Variants in NTM observed in about 807,000 individuals in gnomAD.
The protein encoded by NTM is IgLON family member 2.
Under a neutral mutation model 42.1 loss-of-function variants are expected in NTM, and 13 were observed. The ratio of observed to expected loss-of-function variants is 0.31; its 90% CI spans 0.20 to 0.49. The LOEUF is 0.49. Among genes scored for constraint, NTM ranks in the 20% least tolerant of loss-of-function variants. The pLI is 0.99. For synonymous variants in NTM, 187 were observed against 179.2 expected (o/e 1.04, Z -0.35); for missense variants, 373 against 452.8 (o/e 0.82, Z 1.60).
intron 1 of NTM, among the ~76,000 whole-genome samples, chr11:131,604,630 A>G (rs1029674933): frequency 3.1e-5 from 4 of 128,640 alleles, no homozygotes; most frequent in Admixed American, 9.1e-5. Context: ...ACCCATATAT[A>G]TTCTTCTAAA....
intron 1 of NTM, among the ~76,000 whole-genome samples, chr11:131,467,499 T>G (rs1308582670): frequency 6.6e-6 from 1 of 152,204 alleles, no homozygotes; most frequent in Non-Finnish European, 1.5e-5. Flanking sequence ...AGTGGAGAGC[T>G]GGCCATGATG....
At chr11:132,236,382 A>C (rs764551425) in intron 4 of NTM, among the ~76,000 whole-genome samples, 4 of 152,196 alleles carry the variant, frequency 2.6e-5, no homozygotes, top group Non-Finnish European at 5.9e-5. Flanking sequence ...GGAAAACAGC[A>C]CTGGGGAAAG....
At chr11:132,309,153 A>T (rs2095198988) in intron 5 of NTM, among the ~76,000 whole-genome samples, 1 of 152,234 alleles carries the variant, frequency 6.6e-6, no homozygotes, top group African/African-American at 2.4e-5. Flanking sequence ...AACATCATGT[A>T]CAATATTTCT....
intron 4 of NTM, among the ~76,000 whole-genome samples, chr11:132,229,181 C>T (rs540934853): frequency 6.6e-6 from 1 of 152,196 alleles, no homozygotes; most frequent in Non-Finnish European, 1.5e-5. Flanking sequence ...GTTCCAGGCA[C>T]TCTTCTAAGT....
intron 7 of NTM, among the ~76,000 whole-genome samples, chr11:132,320,620 G>A (rs891459786): frequency 5.9e-5 from 9 of 152,204 alleles, no homozygotes. Flanking sequence ...CCATTGCCCA[G>A]GCTTGCTTAG....
At chr11:131,836,516 A>T (rs1297857150) in intron 1 of NTM, among the ~76,000 whole-genome samples, 1 of 152,210 alleles carries the variant, frequency 6.6e-6, no homozygotes, top group Non-Finnish European at 1.5e-5. Flanking sequence ...TTTCTAAATC[A>T]TATTAATCAA....
chr11:132,116,681 G>A (rs1382389952), intron 2 of NTM, among the ~76,000 whole-genome samples: 3 of 152,168 alleles, frequency 2.0e-5, no homozygotes, highest in African/African-American at 7.2e-5. Context: ...GCATGCATAG[G>A]TTTGGGAAAT....
intron 1 of NTM, among the ~76,000 whole-genome samples, chr11:131,567,199 A>G (rs2056979904): frequency 6.6e-6 from 1 of 152,076 alleles, no homozygotes; most frequent in African/African-American, 2.4e-5. Context: ...AAACCTAAAA[A>G]AACCCTAGAG....
At chr11:131,821,707 G>A (rs2093196404) in intron 1 of NTM, among the ~76,000 whole-genome samples, 1 of 152,214 alleles carries the variant, frequency 6.6e-6, no homozygotes, top group Non-Finnish European at 1.5e-5. Context: ...TATGTGGCGT[G>A]AGGTGGAGGA....
chr11:131,773,580 C>T (rs1257086293), intron 1 of NTM, among the ~76,000 whole-genome samples: 1 of 152,184 alleles, frequency 6.6e-6, no homozygotes, highest in Non-Finnish European at 1.5e-5. Flanking sequence ...GCATTAGTCT[C>T]ATATTGATGC....
intron 3 of NTM, among the ~76,000 whole-genome samples, chr11:132,149,366 A>G (rs1303568028): frequency 6.6e-6 from 1 of 152,172 alleles, no homozygotes; most frequent in African/African-American, 2.4e-5. Context: ...TTCTGGAATA[A>G]AAGTTGGGCA....
At chr11:132,244,319 G>A (rs902392686) in intron 4 of NTM, among the ~76,000 whole-genome samples, 2 of 152,200 alleles carry the variant, frequency 1.3e-5, no homozygotes, top group Non-Finnish European at 2.9e-5. Context: ...CTCTGCCTAT[G>A]GGTTTTTATT....
At chr11:131,472,992 G>A (rs765699468) in intron 1 of NTM, among the ~76,000 whole-genome samples, 9 of 152,130 alleles carry the variant, frequency 5.9e-5, no homozygotes, top group East Asian at 1.9e-4. Context: ...TTTTGGTCTC[G>A]TAAGAATATG....
rs142596485 is a variant in NTM at position 131,836,356 on chromosome 11, C to T, written c.83-75208C>T. 7.2e-5 allele frequency among the ~76,000 whole-genome samples: 11 copies of T among 152,174 alleles called. No individual in the cohort carries two copies. In the East Asian group the frequency reaches 1.3e-3, roughly 19 times the overall value. ...TCTTGCTGTTTCATCTTGTAAGCCC[C>T]CTTTAAATCTTCTTGGATCTAAATA... On this transcript the variant is annotated intron_variant, in intron 1 of 8. Transcript: ENST00000683400.
chr11:131,731,482 T>A (rs1565478546), intron 1 of NTM, among the ~76,000 whole-genome samples: 1 of 152,182 alleles, frequency 6.6e-6, no homozygotes, highest in Non-Finnish European at 1.5e-5. Context: ...ATGCTCCTGT[T>A]TATTCCTCTT....
intron 3 of NTM, among the ~76,000 whole-genome samples, chr11:132,179,423 G>A (rs535177714): frequency 4.6e-5 from 7 of 152,220 alleles, no homozygotes; most frequent in South Asian, 4.2e-4. Flanking sequence ...TCTGGTGTAC[G>A]TGTGTGTGGA....
chr11:131,863,602 A>C (rs2046858063), intron 1 of NTM, among the ~76,000 whole-genome samples: 2 of 152,172 alleles, frequency 1.3e-5, no homozygotes, highest in Admixed American at 1.3e-4. Context: ...GAGGAAGGGG[A>C]TTTCCCTTTC....
rs576399669 is a variant in NTM at position 132,293,658 on chromosome 11, A to G, written c.527-14031A>G. On this transcript the variant is annotated intron_variant, in intron 4 of 8. Coordinates refer to ENST00000683400, the MANE Select transcript of NTM (RefSeq NM_001352005.2). Reference sequence around the variant, plus strand: ...GATTCAGCCTGCAGCCTCTTTTCTGAATGGCCTGAAATGTAAGGTTTTTTT... The same window carrying G: ...GATTCAGCCTGCAGCCTCTTTTCTGGATGGCCTGAAATGTAAGGTTTTTTT... 2.2e-4 allele frequency among the ~76,000 whole-genome samples: 34 copies of G among 151,920 alleles called. No individual in the cohort carries two copies. The East Asian group carries it at 6.6e-3, about 29-fold the overall frequency.
At chr11:131,522,591 A>AGATTAAAGTGT (rs1352331809) in intron 1 of NTM, among the ~76,000 whole-genome samples, 2 of 152,204 alleles carry the variant, frequency 1.3e-5, no homozygotes, top group African/African-American at 4.8e-5. Flanking sequence ...AAGTAAAACA[A>AGATTAAAGTGT]GATTAAAGTG....
Sources: allele counts gnomAD v4.1 joint callset (sites outside exome capture counted in the v4.1 genomes callset), GRCh38; gene constraint gnomAD v4.1.1; transcripts MANE v1.5; gene names NCBI Gene and HGNC (gene_info 2026-07-23, HGNC 2026-07-21).